The following ITGBL1 variants were observed in gnomAD, a reference collection of about 807,000 sequenced individuals.
ITGBL1 encodes integrin beta-like protein 1.
In ITGBL1, 51 loss-of-function variants were observed where a neutral mutation model predicts 68.5. The observed-to-expected ratio is 0.74, with a 90% CI of 0.59 to 0.94. The LOEUF (loss-of-function observed/expected upper bound fraction) is 0.94. Ranked by LOEUF, ITGBL1 falls within the 40% of genes least tolerant of loss-of-function variation. The pLI is 0.00. For synonymous variants in ITGBL1, 209 were observed against 227.3 expected (o/e 0.92, Z 0.72); for missense variants, 649 against 647.4 (o/e 1.00, Z -0.03).
intron 2 of ITGBL1, among the ~76,000 whole-genome samples, chr13:101,511,507 T>C (rs2049115270): frequency 6.6e-6 from 1 of 152,124 alleles, no homozygotes. Context: ...ATTAAGTCCC[T>C]AGCCTTTTGT....
chr13:101,454,959 T>G (rs2048222148), intron 2 of ITGBL1, among the ~76,000 whole-genome samples: 1 of 152,318 alleles, frequency 6.6e-6, no homozygotes, highest in East Asian at 1.9e-4. Context: ...GTTCTGATAT[T>G]GGAAAGGGTC....
intron 2 of ITGBL1, among the ~76,000 whole-genome samples, chr13:101,538,632 T>A (rs2049622954): frequency 6.6e-6 from 1 of 152,064 alleles, no homozygotes; most frequent in Non-Finnish European, 1.5e-5. Flanking sequence ...GATCTCACTA[T>A]AGAACTATAA....
chr13:101,466,310 G>A (rs2048381386), intron 2 of ITGBL1, among the ~76,000 whole-genome samples: 1 of 152,218 alleles, frequency 6.6e-6, no homozygotes, highest in African/African-American at 2.4e-5. Flanking sequence ...GTGAATCACC[G>A]TAAGTGACAT....
chr13:101,560,271 A>T (rs1193302101), intron 2 of ITGBL1, among the ~76,000 whole-genome samples: 2 of 152,226 alleles, frequency 1.3e-5, no homozygotes, highest in East Asian at 3.8e-4. Flanking sequence ...AACTGAGCAT[A>T]TTTGAATACA....
At chr13:101,708,371 T>G (rs554564194) in intron 9 of ITGBL1, among the ~76,000 whole-genome samples, 1 of 151,306 alleles carries the variant, frequency 6.6e-6, no homozygotes, top group Non-Finnish European at 1.5e-5. Context: ...CAGACACACT[T>G]TTTTTTTTCT....
chr13:101,535,384 G>A (rs1394052849), intron 2 of ITGBL1, among the ~76,000 whole-genome samples: 1 of 152,058 alleles, frequency 6.6e-6, no homozygotes, highest in East Asian at 1.9e-4. Flanking sequence ...GGAGTGCTTG[G>A]AGTTAATGCT....
intron 2 of ITGBL1, among the ~76,000 whole-genome samples, chr13:101,538,766 T>C (rs1270038056): frequency 1.3e-5 from 2 of 152,032 alleles, no homozygotes; most frequent in African/African-American, 2.4e-5. Context: ...TAAGGGAAAA[T>C]TACATGAGAG....
intron 7 of ITGBL1, among the ~76,000 whole-genome samples, chr13:101,653,910 C>T (rs1386844627): frequency 7.1e-6 from 1 of 140,642 alleles, no homozygotes; most frequent in Non-Finnish European, 1.5e-5. Flanking sequence ...CAGGGTTTCA[C>T]CATGTTGGCC....
chr13:101,454,098 C>A lies in ITGBL1; in HGVS notation c.314C>A (p.Ala105Glu). 6.4e-7 allele frequency: 1 copy of A among 1,558,962 alleles called. No individual in the cohort carries two copies. Among genetic ancestry groups the A allele is most frequent in the Non-Finnish European group, 8.7e-7 (1 of 1,151,136 alleles). Residue 105 changes from alanine (A) to glutamate (E), a missense_variant and splice_region_variant, in exon 2 of 11, where the codon GCA becomes GAA. Ala to Glu is a moderately radical substitution (Grantham distance 107, BLOSUM62 -1). Transcript: ENST00000376180. ...VCETYDGSTC[A>E]GHGKCDCGKC... ...GAGACCTACGACGGGAGCACCTGTG[C>A]AGGTAAGAGGGCGGCGCTGTCTCCT...
intron 7 of ITGBL1, among the ~76,000 whole-genome samples, chr13:101,642,390 G>A (rs1456403578): frequency 8.5e-5 from 13 of 152,232 alleles, no homozygotes; most frequent in East Asian, 3.9e-4. Context: ...CATGTCCTTC[G>A]CCCACTTGTT....
chr13:101,464,413 AG>A (rs2048355667), intron 2 of ITGBL1, among the ~76,000 whole-genome samples: 2 of 152,046 alleles, frequency 1.3e-5, no homozygotes, highest in Admixed American at 6.6e-5. Context: ...TGATGTACTC[AG>A]ATATTAAGGA....
chr13:101,659,651 T>C (rs2033030449), intron 7 of ITGBL1, among the ~76,000 whole-genome samples: 2 of 152,112 alleles, frequency 1.3e-5, no homozygotes, highest in South Asian at 4.1e-4. Flanking sequence ...TGAGTAGAGG[T>C]GGGGTTTCAC....
chr13:101,646,577 A>G (rs536892793), intron 7 of ITGBL1, among the ~76,000 whole-genome samples: 24 of 152,124 alleles, frequency 1.6e-4, no homozygotes, highest in Non-Finnish European at 3.5e-4. Flanking sequence ...AGAGCCTTAA[A>G]CATCTATACC....
intron 7 of ITGBL1, among the ~76,000 whole-genome samples, chr13:101,645,525 G>T (rs527954355): frequency 6.6e-6 from 1 of 152,228 alleles, no homozygotes; most frequent in Admixed American, 6.5e-5. Context: ...TAAGAAACAA[G>T]GGGGTCATTA....
In ITGBL1 at chr13:101,692,584, G is replaced by C; in HGVS notation, c.1016-1G>C. The C allele has an allele frequency of 6.2e-7, 1 of 1,604,960 alleles. No individual in the cohort carries two copies. Among genetic ancestry groups the C allele is most frequent in the Non-Finnish European group, 8.5e-7 (1 of 1,171,706 alleles). ...GTGTGCACTTTCTTTATACTTTCCA[G>C]GTAAATGTGAATGTGGCAAATGCAC... On this transcript the variant is annotated splice_acceptor_variant, in intron 7 of 10. Transcript: ENST00000376180. LOFTEE classifies it high-confidence loss of function.
intron 7 of ITGBL1, among the ~76,000 whole-genome samples, chr13:101,606,586 G>C (rs930749122): frequency 2.0e-5 from 2 of 102,178 alleles, no homozygotes; most frequent in Non-Finnish European, 3.9e-5. Context: ...GTTCTCCTGA[G>C]CATCAGTTTG....
At chr13:101,614,508 G>A (rs868385452) in intron 7 of ITGBL1, among the ~76,000 whole-genome samples, 1 of 152,136 alleles carries the variant, frequency 6.6e-6, no homozygotes, top group Non-Finnish European at 1.5e-5. Context: ...TGTAGGTGCA[G>A]TTTGAGCACA....
chr13:101,564,477 A>G (rs2050149719), intron 2 of ITGBL1, among the ~76,000 whole-genome samples: 1 of 151,624 alleles, frequency 6.6e-6, no homozygotes, highest in Non-Finnish European at 1.5e-5. Flanking sequence ...ATGAACTTCT[A>G]TCCAGGAGAT....
intron 6 of ITGBL1, among the ~76,000 whole-genome samples, chr13:101,591,187 GTC>G (rs1188647386): frequency 2.4e-4 from 36 of 152,280 alleles, no homozygotes; most frequent in Admixed American, 2.4e-3. Context: ...ATGGGCGTGA[GTC>G]ACCACGTCCG....
Sources: gnomAD v4.1 joint callset for allele counts (sites outside exome capture counted in the v4.1 genomes callset) on GRCh38, gnomAD v4.1.1 for gene constraint, MANE v1.5 for transcripts, NCBI Gene and HGNC (gene_info 2026-07-23, HGNC 2026-07-21) for gene names.